Variants in BTBD2 observed in about 807,000 individuals in gnomAD.
BTBD2 encodes BTB domain containing 2, also known as BTB/POZ domain-containing protein 2.
A neutral mutation model predicts 44.0 loss-of-function variants in BTBD2; 15 were observed. The observed-to-expected ratio is 0.34, with a 90% CI of 0.23 to 0.53. The LOEUF is 0.53. BTBD2 is among the 20% of genes least tolerant of loss of function. The probability of loss-of-function intolerance (pLI) is 0.95; values close to 1 mark genes in which losing one functional copy is unlikely to be tolerated. For missense variants in BTBD2, 657 were observed against 746.4 expected, an observed-to-expected ratio of 0.88 and a Z score of 1.39; for synonymous variants, 443 against 335.9, an observed-to-expected ratio of 1.32 and a Z score of -3.49.
intron 6 of BTBD2, 49 bp downstream of exon 6, chr19:1,987,451 G>C: frequency 7.1e-7 from 1 of 1,402,754 alleles, no homozygotes; most frequent in East Asian, 2.5e-5. Context: ...TCATCCCCGA[G>C]TCCTCCACCC....
chr19:2,010,105 T>C (rs1478318094), intron 1 of BTBD2, among the ~76,000 whole-genome samples: 1 of 152,092 alleles, frequency 6.6e-6, no homozygotes, highest in African/African-American at 2.4e-5. Context: ...TGAGCGGAGA[T>C]CGCGCCACTG....
intron 1 of BTBD2, among the ~76,000 whole-genome samples, chr19:1,998,452 G>C (rs2016280776): frequency 6.6e-6 from 1 of 152,234 alleles, no homozygotes; most frequent in Admixed American, 6.5e-5. Flanking sequence ...GAGGCAGCAG[G>C]GGTGGCCCCA....
Position 1,993,168 on chromosome 19 carries a change from T to G in BTBD2, c.536A>C (p.Tyr179Ser). Residue 179 changes from tyrosine to serine, a missense_variant, in exon 3 of 9, where the codon TAC (tyrosine) becomes TCC (serine). Tyr to Ser is a moderately radical substitution (Grantham distance 144, BLOSUM62 -2). Coordinates refer to ENST00000255608, the MANE Select transcript of BTBD2 (RefSeq NM_017797.4). ...AAFLALLKFLYSDEVQIGPET... is the reference protein window; with the variant it reads ...AAFLALLKFLSSDEVQIGPET... ...CGGGCCAATCTGCACCTCGTCCGAG[T>G]AGAGAAACCTGCAGAAGCAACGCGG... 1 of 1,599,716 alleles carries G rather than the reference T, an allele frequency of 6.3e-7. No homozygotes were observed. Among genetic ancestry groups the G allele is most frequent in the Non-Finnish European group, 8.5e-7 (1 of 1,178,394 alleles).
At chr19:1,995,904 C>G (rs1266627596) in intron 2 of BTBD2, among the ~76,000 whole-genome samples, 1 of 152,160 alleles carries the variant, frequency 6.6e-6, no homozygotes, top group East Asian at 1.9e-4. Context: ...ATCCGCCCAT[C>G]TCAGCCTCCC....
intron 1 of BTBD2, among the ~76,000 whole-genome samples, chr19:1,998,293 C>T (rs1395823271): frequency 6.6e-6 from 1 of 152,192 alleles, no homozygotes; most frequent in Non-Finnish European, 1.5e-5. Flanking sequence ...AATGGCCGAA[C>T]AGCCCCCACT....
intron 1 of BTBD2, among the ~76,000 whole-genome samples, chr19:2,008,370 G>T (rs2145649113): frequency 6.7e-6 from 1 of 149,350 alleles, no homozygotes; most frequent in South Asian, 2.1e-4. Context: ...TGCGATCTCA[G>T]ATCACCACAA....
At chr19:1,993,318 G>A (rs1367773300) in intron 2 of BTBD2, 142 bp from the exon 3 acceptor site, 8 of 1,248,780 alleles carry the variant, frequency 6.4e-6, no homozygotes, top group African/African-American at 1.5e-5. Flanking sequence ...CAGGTTCCCC[G>A]AGGAACCTTC....
rs1172890112 is a variant in BTBD2 at position 1,986,065 on chromosome 19, GC to G, written c.*422del. On this transcript the variant is annotated 3_prime_UTR_variant, in exon 9 of 9. Transcript: ENST00000255608. ...TCTGGGACCCACGGCTCTGGGAGCA[GC>G]GCCACCCAGGCTGGCTCCTAGCAGA... The G allele has an allele frequency of 5.4e-6, 1 of 183,556 alleles. No homozygotes were observed. Among genetic ancestry groups the G allele is most frequent in the Non-Finnish European group, 1.1e-5 (1 of 87,636 alleles). The allele number at this position is 183,556 out of a possible 1,614,324, so 11.4% of individuals were successfully genotyped here. A position where few individuals can be genotyped will look rare whatever the true frequency, so the allele number is the denominator to read the frequency against.
Position 1,993,274 on chromosome 19 carries a change from G to A in BTBD2, c.528-98C>T, listed in dbSNP as rs2016206447. ...ACTCAGACCGTTAGACTCGGCCACC[G>A]GCCCTTGAGCTGGCAGGACCCAAAC... On this transcript the variant is annotated intron_variant, in intron 2 of 8. Transcript: ENST00000255608. 6.9e-6 allele frequency: 10 copies of A among 1,446,496 alleles called. No homozygotes were observed. The South Asian group carries it at 1.2e-4, about 18-fold the overall frequency. 89.6% of individuals were successfully genotyped at this position (1,446,496 alleles called of 1,614,324 possible). A position where few individuals can be genotyped will look rare whatever the true frequency, so the allele number is the denominator to read the frequency against.
intron 1 of BTBD2, among the ~76,000 whole-genome samples, chr19:2,005,650 C>A (rs1248951126): frequency 6.6e-6 from 1 of 151,794 alleles, no homozygotes; most frequent in Non-Finnish European, 1.5e-5. Flanking sequence ...GGTGCAGTGG[C>A]CGGAGCCTGT....
At position 2,013,032 on chromosome 19, in the gene BTBD2, G is replaced by T. The variant is rs964554226; in HGVS notation, c.407+2265C>A. 2.0e-5 allele frequency among the ~76,000 whole-genome samples: 3 copies of T among 152,180 alleles called. No homozygotes were observed. The South Asian group carries it at 6.2e-4, about 32-fold the overall frequency. ...TAGGAGAGGCCCAGCAGCTAAGGAC[G>T]ACAGAGACAGGGACGGCGACACGGA... On this transcript the variant is annotated intron_variant, in intron 1 of 8. Transcript: ENST00000255608.
chr19:1,989,937 G>T, intron 5 of BTBD2, 67 bp downstream of exon 5: 1 of 1,560,618 alleles, frequency 6.4e-7, no homozygotes, highest in Non-Finnish European at 8.8e-7. Context: ...CACTATCCTC[G>T]GTACCCAGAT....
In BTBD2 at chr19:1,986,400, C is replaced by T. The variant is rs1327341798; in HGVS notation, c.*88G>A. 10 of 1,522,848 alleles carry T rather than the reference C, an allele frequency of 6.6e-6. No homozygotes were observed. Among genetic ancestry groups the T allele is most frequent in the South Asian group, 4.8e-5 (4 of 83,852 alleles). 94.3% of individuals were successfully genotyped at this position (1,522,848 alleles called of 1,614,324 possible). ...GGCCTGGGGGACACTGGGCCTGGCA[C>T]CGCGTGGTGGGGGGGCCCCAGCAGC... On this transcript the variant is annotated 3_prime_UTR_variant, in exon 9 of 9. Coordinates refer to ENST00000255608, the MANE Select transcript of BTBD2 (RefSeq NM_017797.4).
In BTBD2 at chr19:1,985,604, T is replaced by A. The variant is rs1226388256; in HGVS notation, c.*884A>T. Reference sequence around the variant, plus strand: ...GCGTGGCCGGAGTGGGGAGGGGCTGTGCCCCCAGCACCTGGGGGTGGCTCC... The same window carrying A: ...GCGTGGCCGGAGTGGGGAGGGGCTGAGCCCCCAGCACCTGGGGGTGGCTCC... On this transcript the variant is annotated 3_prime_UTR_variant, in exon 9 of 9. Transcript: ENST00000255608. 1 of 152,194 alleles carries A rather than the reference T, an allele frequency of 6.6e-6. No individual in the cohort carries two copies. Among genetic ancestry groups the A allele is most frequent in the Non-Finnish European group, 1.5e-5 (1 of 68,054 alleles). 9.4% of individuals were successfully genotyped at this position (152,194 alleles called of 1,614,324 possible).
intron 1 of BTBD2, 129 bp from the exon 2 acceptor site, chr19:1,997,592 G>A (rs562644150): frequency 2.9e-6 from 4 of 1,363,348 alleles, no homozygotes; most frequent in South Asian, 1.4e-5. Context: ...CATGTACCAG[G>A]CCCCCCGATG....
chr19:1,998,011 G>A (rs767578398), intron 1 of BTBD2, among the ~76,000 whole-genome samples: 7 of 151,916 alleles, frequency 4.6e-5, no homozygotes, highest in Admixed American at 1.3e-4. Flanking sequence ...ATTCATTCCC[G>A]TGGGCATGCA....
rs549776931 is a variant in BTBD2, at chr19:1,986,134, C to T, written c.*354G>A. The T allele has an allele frequency of 8.3e-5, 26 of 314,440 alleles. No individual in the cohort carries two copies. Among genetic ancestry groups the T allele is most frequent in the Non-Finnish European group, 1.4e-4 (23 of 165,340 alleles). The allele number at this position is 314,440 out of a possible 1,614,324, so 19.5% of individuals were successfully genotyped here. ...TGCATTGCAATGTGCAGTGAAGAGACGCGAGGGACGCCCGCGGCGCACCGC... is the reference window on the plus strand; with the variant it reads ...TGCATTGCAATGTGCAGTGAAGAGATGCGAGGGACGCCCGCGGCGCACCGC... On this transcript the variant is annotated 3_prime_UTR_variant, in exon 9 of 9. Coordinates refer to ENST00000255608, the MANE Select transcript of BTBD2 (RefSeq NM_017797.4).
chr19:1,997,846 GCATT>G (rs542950901), intron 1 of BTBD2, among the ~76,000 whole-genome samples: 32 of 152,314 alleles, frequency 2.1e-4, no homozygotes, highest in Non-Finnish European at 4.3e-4. Context: ...ATTCATGCAT[GCATT>G]CACTCGCTCA....
At chr19:1,999,791 G>T (rs1053157835) in intron 1 of BTBD2, among the ~76,000 whole-genome samples, 13 of 151,570 alleles carry the variant, frequency 8.6e-5, no homozygotes, top group Non-Finnish European at 1.5e-4. Flanking sequence ...GTGAAACCCC[G>T]TCTCTACTAA....
Sources: allele counts gnomAD v4.1 joint callset (sites outside exome capture counted in the v4.1 genomes callset), GRCh38; gene constraint gnomAD v4.1.1; transcripts MANE v1.5; gene names NCBI Gene and HGNC (gene_info 2026-07-23, HGNC 2026-07-21).